The following UNC79 variants were observed in gnomAD, a reference collection of about 807,000 sequenced individuals.
UNC79 encodes the protein unc-79 subunit of NALCN channel complex.
Under a neutral mutation model 283.1 loss-of-function variants are expected in UNC79, and 37 were observed. The ratio of observed to expected loss-of-function variants is 0.13; its 90% confidence interval spans 0.10 to 0.17. The LOEUF (loss-of-function observed/expected upper bound fraction) is 0.17. Ranked by LOEUF, UNC79 falls within the 10% of genes least tolerant of loss-of-function variation. The probability of loss-of-function intolerance (pLI) is 1.00; values close to 1 mark genes in which losing one functional copy is unlikely to be tolerated. For synonymous variants in UNC79, 1,107 were observed against 1,200.2 expected, an observed-to-expected ratio of 0.92 and a Z score of 1.61; for missense variants, 2,272 against 3,211.1, an observed-to-expected ratio of 0.71 and a Z score of 7.07.
intron 5 of UNC79, among the ~76,000 whole-genome samples, chr14:93,493,192 G>C (rs149707027): frequency 4.6e-5 from 7 of 152,108 alleles, no homozygotes; most frequent in East Asian, 1.9e-4. Context: ...GCCTACAAGG[G>C]GGGGCGGTTC....
chr14:93,559,295 G>A (rs1330637434), intron 14 of UNC79, among the ~76,000 whole-genome samples: 1 of 152,244 alleles, frequency 6.6e-6, no homozygotes, highest in African/African-American at 2.4e-5. Flanking sequence ...GAGTGGTTGA[G>A]GTATGGCCGC....
chr14:93,414,164 T>G (rs2055400457), intron 1 of UNC79, among the ~76,000 whole-genome samples: 1 of 151,768 alleles, frequency 6.6e-6, no homozygotes, highest in South Asian at 2.1e-4. Flanking sequence ...GTTTTAGGTC[T>G]AACGTTTAAG....
intron 32 of UNC79, among the ~76,000 whole-genome samples, chr14:93,638,744 A>G (rs2068735221): frequency 6.6e-6 from 1 of 152,188 alleles, no homozygotes; most frequent in Non-Finnish European, 1.5e-5. Context: ...GTCGGCAGCA[A>G]CTTGGGGGTG....
At position 93,462,381 on chromosome 14, in the gene UNC79, C is replaced by A. The variant is rs189782039; in HGVS notation, c.23-5290C>A. ...TCACGACGTTAGGTTGGAAGGTAGGCAGGGACTTTGACCACACTAAGGAGG... is the reference window on the plus strand; with the variant it reads ...TCACGACGTTAGGTTGGAAGGTAGGAAGGGACTTTGACCACACTAAGGAGG... On this transcript the variant is annotated intron_variant, in intron 1 of 48. Coordinates refer to ENST00000555664, the Ensembl canonical transcript of UNC79. Among the ~76,000 whole-genome samples the A allele has an allele frequency of 1.3e-3, 192 of 152,332 alleles. 2 individuals carry two copies. Among genetic ancestry groups the A allele is most frequent in the African/African-American group, 4.4e-3 (184 of 41,572 alleles).
intron 39 of UNC79, among the ~76,000 whole-genome samples, chr14:93,660,114 A>G (rs2071380744): frequency 6.6e-6 from 1 of 152,192 alleles, no homozygotes; most frequent in Admixed American, 6.5e-5. Context: ...CTGCAGTGGT[A>G]CAATAGTTTG....
At chr14:93,581,367 C>T (rs1160509817) in intron 19 of UNC79, among the ~76,000 whole-genome samples, 2 of 149,776 alleles carry the variant, frequency 1.3e-5, no homozygotes, top group Non-Finnish European at 3.0e-5. Flanking sequence ...GAGATGAGGT[C>T]TCACTATGTT....
chr14:93,482,658 C>T (rs1379545703), intron 4 of UNC79, among the ~76,000 whole-genome samples: 1 of 152,158 alleles, frequency 6.6e-6, no homozygotes, highest in Non-Finnish European at 1.5e-5. Flanking sequence ...TTTACCTTCA[C>T]CCTTTAGACA....
At chr14:93,477,870 C>A in intron 4 of UNC79, 142 bp downstream of exon 4, 1 of 786,954 alleles carries the variant, frequency 1.3e-6, no homozygotes, top group Non-Finnish European at 1.9e-6. Context: ...AATTCAGTCA[C>A]TTTAGCATGG....
chr14:93,657,948 T>A (rs1340018496), intron 38 of UNC79, among the ~76,000 whole-genome samples: 2 of 152,198 alleles, frequency 1.3e-5, no homozygotes, highest in East Asian at 3.9e-4. Context: ...TTCCTTTTTT[T>A]TCCCAAGAGA....
chr14:93,403,192 T>TTTA (rs1462013373), intron 1 of UNC79, among the ~76,000 whole-genome samples: 1 of 152,196 alleles, frequency 6.6e-6, no homozygotes, highest in Non-Finnish European at 1.5e-5. Context: ...AATCTGCATT[T>TTTA]TTACATAAAC....
intron 23 of UNC79, among the ~76,000 whole-genome samples, chr14:93,596,442 C>T (rs1282283652): frequency 2.0e-5 from 3 of 152,164 alleles, no homozygotes; most frequent in Non-Finnish European, 4.4e-5. Flanking sequence ...CGAGACCAGC[C>T]TGGCCAACAT....
At chr14:93,369,310 C>T (rs950561785) in intron 1 of UNC79, among the ~76,000 whole-genome samples, 1 of 152,204 alleles carries the variant, frequency 6.6e-6, no homozygotes, top group Non-Finnish European at 1.5e-5. Context: ...TAGACTGTGC[C>T]TAAAAACATT....
At chr14:93,615,811 A>G (rs956990884) in intron 27 of UNC79, among the ~76,000 whole-genome samples, 1 of 151,080 alleles carries the variant, frequency 6.6e-6, no homozygotes, top group South Asian at 2.1e-4. Flanking sequence ...AAATTTTTAT[A>G]TGGGGTTTGT....
At chr14:93,642,947 G>A (rs2140225782) in intron 33 of UNC79, among the ~76,000 whole-genome samples, 1 of 152,270 alleles carries the variant, frequency 6.6e-6, no homozygotes, top group African/African-American at 2.4e-5. Context: ...TAGGTTGGAA[G>A]TTACCTAAAA....
At chr14:93,468,302 A>G (rs2057323350) in intron 2 of UNC79, among the ~76,000 whole-genome samples, 1 of 152,306 alleles carries the variant, frequency 6.6e-6, no homozygotes, top group Non-Finnish European at 1.5e-5. Flanking sequence ...GAAAAAAAAT[A>G]GGGCTCTTTT....
At chr14:93,681,998 A>G (rs1285308973) in intron 41 of UNC79, among the ~76,000 whole-genome samples, 2 of 152,196 alleles carry the variant, frequency 1.3e-5, no homozygotes, top group Non-Finnish European at 2.9e-5. Flanking sequence ...GCTCTTGAAG[A>G]GCTCACAGCA....
intron 12 of UNC79, 87 bp downstream of exon 12, chr14:93,538,305 GC>G: frequency 7.4e-7 from 1 of 1,344,510 alleles, no homozygotes; most frequent in Non-Finnish European, 9.9e-7. Flanking sequence ...CATATTTAAT[GC>G]AACCTCAAAT....
chr14:93,447,026 T>C (rs2056481274), intron 1 of UNC79, among the ~76,000 whole-genome samples: 1 of 152,204 alleles, frequency 6.6e-6, no homozygotes, highest in Non-Finnish European at 1.5e-5. Flanking sequence ...AAATCTGTCA[T>C]TTTTTGCTTC....
At chr14:93,437,081 G>A (rs1429883458) in intron 1 of UNC79, among the ~76,000 whole-genome samples, 1 of 152,002 alleles carries the variant, frequency 6.6e-6, no homozygotes, top group Non-Finnish European at 1.5e-5. Flanking sequence ...ATATATACAT[G>A]CACAAATGCA....
Sources: allele counts gnomAD v4.1 joint callset (sites outside exome capture counted in the v4.1 genomes callset), GRCh38; gene constraint gnomAD v4.1.1; transcripts MANE v1.5; gene names NCBI Gene and HGNC (gene_info 2026-07-23, HGNC 2026-07-21).